RESF1: variants seen among roughly 807,000 people sequenced by gnomAD.
RESF1 encodes the protein gonad expressed transcript.
A neutral mutation model predicts 134.7 loss-of-function variants in RESF1; 65 were observed. The observed-to-expected ratio is 0.48, with a 90% CI of 0.40 to 0.59. RESF1 has a LOEUF of 0.59. Among genes scored for constraint, RESF1 ranks in the 20% least tolerant of loss-of-function variants. RESF1 has a pLI of 0.00. For missense variants in RESF1, 2,274 were observed against 2,002.7 expected (o/e 1.14, Z -2.59); for synonymous variants, 762 against 702.2 (o/e 1.09, Z -1.35).
chr12:31,987,310 A>G lies in RESF1; in HGVS notation c.5074A>G (p.Ser1692Gly), dbSNP rs1256609050. The change falls in exon 5 of 6, where the codon AGC becomes GGC. Residue 1692 changes from serine to glycine, a missense_variant. Physicochemically the swap from Ser to Gly is moderately conservative, Grantham distance 56 (BLOSUM62 0). Coordinates refer to ENST00000312561, the MANE Select transcript of RESF1 (RefSeq NM_018169.4). The stretch of plus-strand genomic sequence containing the variant: ...TACAAAGAAAAGGACACAGAAAGAC[A>G]GCCAAGAGAGAGGTAAAGTCATCTT... Reference protein sequence around the residue: ...VATKKRTQKDSQERDNVNSRL... With the variant: ...VATKKRTQKDGQERDNVNSRL... 7.5e-6 allele frequency: 12 copies of G among 1,597,610 alleles called. No homozygotes were observed. The highest frequency in any genetic ancestry group is 1.7e-5 in the Admixed American group (1 of 59,098).
chr12:31,987,424 GTTC>G (rs1444730573), intron 5 of RESF1, 102 bp downstream of exon 5: 14 of 623,740 alleles, frequency 2.2e-5, no homozygotes, highest in Admixed American at 3.7e-5. Flanking sequence ...TTTTATCCAT[GTTC>G]TTTTTTTTTT....
chr12:31,982,830 C>A lies in RESF1; in HGVS notation c.1875C>A (p.Asn625Lys). Residue 625 changes from asparagine to lysine, a missense_variant, in exon 4 of 6, where the codon AAC becomes AAA. Coordinates refer to ENST00000312561, the MANE Select transcript of RESF1 (RefSeq NM_018169.4). Reference sequence around the variant, plus strand: ...ATCCAAATACCCAAATGACTGGTAACCAACTGAATTTGAAGAACATGGAAA... The same window carrying A: ...ATCCAAATACCCAAATGACTGGTAAACAACTGAATTTGAAGAACATGGAAA... Reference protein sequence around the residue: ...EMNPNTQMTGNQLNLKNMETP... With the variant: ...EMNPNTQMTGKQLNLKNMETP... The A allele has an allele frequency of 1.2e-6, 2 of 1,614,094 alleles. No individual in the cohort carries two copies. Among genetic ancestry groups the A allele is most frequent in the South Asian group, 2.2e-5 (2 of 91,074 alleles).
intron 3 of RESF1, among the ~76,000 whole-genome samples, chr12:31,974,447 A>G (rs901923854): frequency 2.6e-5 from 4 of 151,926 alleles, no homozygotes; most frequent in African/African-American, 4.8e-5. Context: ...TCCAGGGTCA[A>G]TATGTTTGAT....
chr12:31,973,886 T>A (rs971063518), intron 3 of RESF1, among the ~76,000 whole-genome samples: 1 of 152,230 alleles, frequency 6.6e-6, no homozygotes, highest in Admixed American at 6.5e-5. Context: ...TACAATTCAA[T>A]TACATGTTGG....
At chr12:31,967,617 C>A (rs1407792143) in intron 2 of RESF1, among the ~76,000 whole-genome samples, 1 of 143,738 alleles carries the variant, frequency 7.0e-6, no homozygotes, top group East Asian at 2.1e-4. Flanking sequence ...TGCACGCCCG[C>A]CCACCCCCAC....
At chr12:31,964,654 G>A (rs1180293855) in intron 2 of RESF1, among the ~76,000 whole-genome samples, 1 of 152,226 alleles carries the variant, frequency 6.6e-6, no homozygotes, top group Non-Finnish European at 1.5e-5. Flanking sequence ...TATAGCCATA[G>A]AAGTGAGCCT....
rs1267299992 is a variant in RESF1, at chr12:31,978,953, C to T, written c.-78-1925C>T. On this transcript the variant is annotated intron_variant, in intron 3 of 5. Transcript: ENST00000312561. The stretch of plus-strand genomic sequence containing the variant: ...TTTTTTTTTTTGAAACGGAGTCTAG[C>T]TCTGTCACCCAGGCTGGAGTGCAGT... Among the ~76,000 whole-genome samples, 3 of 140,540 alleles carry T rather than the reference C, an allele frequency of 2.1e-5. No homozygotes were observed. In the East Asian group the frequency reaches 6.5e-4, roughly 31 times the overall value. 92.2% of individuals were successfully genotyped at this position (140,540 alleles called of 152,430 possible).
intron 2 of RESF1, among the ~76,000 whole-genome samples, chr12:31,967,190 C>A (rs1305341640): frequency 1.3e-5 from 2 of 152,078 alleles, no homozygotes; most frequent in Non-Finnish European, 2.9e-5. Flanking sequence ...GGATACTGAT[C>A]TTGATTTTGC....
chr12:31,976,365 A>G (rs962686530), intron 3 of RESF1, among the ~76,000 whole-genome samples: 6 of 152,232 alleles, frequency 3.9e-5, no homozygotes, highest in South Asian at 2.1e-4. Context: ...TGATAAACAC[A>G]TATTTTGTAT....
chr12:31,966,696 A>G (rs535734742), intron 2 of RESF1, among the ~76,000 whole-genome samples: 1 of 152,342 alleles, frequency 6.6e-6, no homozygotes, highest in South Asian at 2.1e-4. Context: ...TTGGCTCTGC[A>G]TGGGGAACGT....
At chr12:31,991,028 C>T (rs1304261399) in intron 5 of RESF1, among the ~76,000 whole-genome samples, 1 of 152,008 alleles carries the variant, frequency 6.6e-6, no homozygotes, top group Non-Finnish European at 1.5e-5. Flanking sequence ...GATCCCATCT[C>T]TACAAATAAC....
intron 3 of RESF1, among the ~76,000 whole-genome samples, chr12:31,972,532 G>A (rs1451695935): frequency 6.6e-6 from 1 of 151,814 alleles, no homozygotes; most frequent in East Asian, 1.9e-4. Context: ...CGTGAACCTG[G>A]GAGGCGGAGC....
intron 2 of RESF1, among the ~76,000 whole-genome samples, chr12:31,966,347 C>T (rs1305577212): frequency 1.3e-5 from 2 of 152,130 alleles, no homozygotes; most frequent in Non-Finnish European, 2.9e-5. Context: ...GCAGAATTCT[C>T]GTAGGGTAAC....
intron 2 of RESF1, among the ~76,000 whole-genome samples, chr12:31,961,144 T>G (rs1186354711): frequency 6.6e-6 from 1 of 152,182 alleles, no homozygotes; most frequent in Non-Finnish European, 1.5e-5. Context: ...TGGGCAGAGG[T>G]CTGCTTCTGT....
Position 31,985,524 on chromosome 12 carries a change from T to C in RESF1, c.4569T>C (p.His1523=), listed in dbSNP as rs1939950432. ...TSHGKNLKIH[H]SQESKTYNIL... ...ATGGTAAAAACCTCAAAATCCACCA[T>C]TCTCAGGAGTCTAAAACATACAACA... is the stretch of plus-strand genomic sequence containing the variant. The change falls in exon 4 of 6, where the codon CAT becomes CAC. Residue 1523 remains histidine (H), a synonymous_variant. Transcript: ENST00000312561. The C allele has an allele frequency of 1.1e-5, 17 of 1,600,288 alleles. No individual in the cohort carries two copies. The highest frequency in any genetic ancestry group is 1.4e-5 in the Non-Finnish European group (17 of 1,176,200).
In RESF1 at chr12:31,983,404, G is replaced by T. The variant is rs778184597; in HGVS notation, c.2449G>T (p.Asp817Tyr). 6.2e-7 allele frequency: 1 copy of T among 1,613,886 alleles called. No homozygotes were observed. The highest frequency in any genetic ancestry group is 1.3e-5 in the African/African-American group (1 of 74,930). ...NAKATAALKV[D>Y]VSGPVASTAT... ...AAAGGCAACTGCTGCTTTGAAAGTT[G>T]ATGTTAGTGGACCAGTAGCAAGTAC... Residue 817 changes from aspartate to tyrosine, a missense_variant, in exon 4 of 6, where the codon GAT becomes TAT. Asp to Tyr is a radical substitution (Grantham distance 160). Coordinates refer to ENST00000312561, the MANE Select transcript of RESF1 (RefSeq NM_018169.4).
In RESF1 at chr12:31,985,535, C is replaced by T. The variant is rs773412458; in HGVS notation, c.4580C>T (p.Ser1527Phe). The stretch of plus-strand genomic sequence containing the variant: ...CTCAAAATCCACCATTCTCAGGAGT[C>T]TAAAACATACAACATTCTAAGGAAT... ...KNLKIHHSQE[S>F]KTYNILRNVK... The change falls in exon 4 of 6, where the codon TCT becomes TTT. Residue 1527 changes from serine to phenylalanine, a missense_variant. Coordinates refer to ENST00000312561, the MANE Select transcript of RESF1 (RefSeq NM_018169.4). 20 of 1,598,862 alleles carry T rather than the reference C, an allele frequency of 1.3e-5. No homozygotes were observed. In the South Asian group the frequency reaches 2.2e-4, roughly 17 times the overall value.
At chr12:31,961,277 A>T (rs534176004) in intron 2 of RESF1, among the ~76,000 whole-genome samples, 11 of 152,354 alleles carry the variant, frequency 7.2e-5, no homozygotes, top group African/African-American at 2.6e-4. Context: ...GATCATGTCC[A>T]GGGCTTTCAT....
In RESF1 at chr12:31,985,859, T is replaced by G; in HGVS notation, c.4904T>G (p.Phe1635Cys). 1.3e-6 allele frequency: 2 copies of G among 1,558,670 alleles called. No homozygotes were observed. Among genetic ancestry groups the G allele is most frequent in the Non-Finnish European group, 1.7e-6 (2 of 1,161,264 alleles). Residue 1635 changes from phenylalanine (F) to cysteine (C), a missense_variant, in exon 4 of 6, where the codon TTT becomes TGT. Phe to Cys is a radical substitution (Grantham distance 205, BLOSUM62 -2). Transcript: ENST00000312561. ...ACAGAAAAATCAAACATGCTGGAGT[T>G]TAAATTATGTCCAGATATCTTACTA... Reference protein sequence around the residue: ...GNTEKSNMLEFKLCPDILLKN... With the variant: ...GNTEKSNMLECKLCPDILLKN...
Sources: allele counts gnomAD v4.1 joint callset (sites outside exome capture counted in the v4.1 genomes callset), GRCh38; gene constraint gnomAD v4.1.1; transcripts MANE v1.5; gene names NCBI Gene and HGNC (gene_info 2026-07-23, HGNC 2026-07-21).